The following WSB2 variants were observed in gnomAD, a reference collection of about 807,000 sequenced individuals.
The protein encoded by WSB2 is WD repeat and SOCS box-containing protein 2.
In WSB2, 12 loss-of-function variants were observed where a neutral mutation model predicts 48.8. That is an observed-to-expected ratio of 0.25 (90% CI 0.16 to 0.40). The LOEUF (loss-of-function observed/expected upper bound fraction) is 0.40. Ranked by LOEUF, WSB2 falls within the 10% of genes least tolerant of loss-of-function variation. The pLI, the probability that WSB2 is intolerant of heterozygous loss-of-function variation, is 1.00. For synonymous variants in WSB2, 191 were observed against 203.1 expected, an observed-to-expected ratio of 0.94 and a Z score of 0.51; for missense variants, 317 against 506.2, an observed-to-expected ratio of 0.63 and a Z score of 3.59.
chr12:118,060,929 CCCCCGCCCCA>C lies in WSB2; in HGVS notation c.13+97_13+106del. ...GGCCGGACGCCCCCGCCGCGTCCAG[CCCCCGCCCCA>C]CCCCGCCCAGCCCGCCCCGGGGTCG... On this transcript the variant is annotated intron_variant, in intron 1 of 8. Transcript: ENST00000315436. This position sits in a 1 kb window ranked among gnomAD's most constrained non-coding sequence, Gnocchi z 4.1. 1 of 475,714 alleles carries C rather than the reference CCCCCGCCCCA, an allele frequency of 2.1e-6. No individual in the cohort carries two copies. The highest frequency in any genetic ancestry group is 2.7e-6 in the Non-Finnish European group (1 of 364,348). The allele number at this position is 475,714 out of a possible 1,614,324, so 29.5% of individuals were successfully genotyped here.
intron 2 of WSB2, among the ~76,000 whole-genome samples, chr12:118,048,188 C>T (rs2031780700): frequency 6.6e-6 from 1 of 152,134 alleles, no homozygotes; most frequent in Non-Finnish European, 1.5e-5. Flanking sequence ...TTCTGCCTCC[C>T]AATGTGCTGG....
At chr12:118,046,013 G>A (rs1213605859) in intron 2 of WSB2, among the ~76,000 whole-genome samples, 2 of 152,140 alleles carry the variant, frequency 1.3e-5, no homozygotes, top group Admixed American at 6.6e-5. Flanking sequence ...CCATGTTGTA[G>A]CAAATGACAG....
chr12:118,056,717 G>A (rs572970489), intron 1 of WSB2, among the ~76,000 whole-genome samples: 2 of 152,172 alleles, frequency 1.3e-5, no homozygotes, highest in African/African-American at 4.8e-5. Flanking sequence ...CCTGGCCAAC[G>A]TGGTGAAACC....
rs151297944 is a variant in WSB2 at position 118,036,076 on chromosome 12, C to G, written c.833+262G>C. 1.2e-3 allele frequency: 349 copies of G among 285,616 alleles called. 1 individual carries two copies. The highest frequency in any genetic ancestry group is 7.2e-3 in the African/African-American group (329 of 45,900). The allele number at this position is 285,616 out of a possible 1,614,324, so 17.7% of individuals were successfully genotyped here. ...AATTAGCCAGGCCTGGTGGCGCACG[C>G]TTGTAGTCCTAGCTACTCGGGAGGC... On this transcript the variant is annotated intron_variant, in intron 6 of 8. Coordinates refer to ENST00000315436, the MANE Select transcript of WSB2 (RefSeq NM_018639.5).
At chr12:118,047,327 G>A (rs558328420) in intron 2 of WSB2, among the ~76,000 whole-genome samples, 18 of 152,258 alleles carry the variant, frequency 1.2e-4, no homozygotes, top group Non-Finnish European at 1.9e-4. Context: ...GATGAGTTAC[G>A]TGAAAAGCAG....
At chr12:118,036,215 T>G in intron 6 of WSB2, 123 bp downstream of exon 6, 2 of 1,178,000 alleles carry the variant, frequency 1.7e-6, no homozygotes, top group Non-Finnish European at 2.4e-6. Context: ...AGAGACCCAC[T>G]GTGCCTTTTT....
intron 7 of WSB2, 50 bp downstream of exon 7, chr12:118,035,164 A>C: frequency 6.2e-7 from 1 of 1,612,258 alleles, no homozygotes; most frequent in Non-Finnish European, 8.5e-7. Flanking sequence ...TGCTGCCATT[A>C]CTTGCAAGCA....
Position 118,043,345 on chromosome 12 carries a change from C to G in WSB2, c.215G>C (p.Ser72Thr). The G allele has an allele frequency of 6.3e-7, 1 of 1,585,484 alleles. No individual in the cohort carries two copies. The highest frequency in any genetic ancestry group is 8.6e-7 in the Non-Finnish European group (1 of 1,166,618). The change falls in exon 3 of 9, where the codon AGT becomes ACT. Residue 72 changes from serine to threonine, a missense_variant. By Grantham distance (58) the Ser-to-Thr change is moderately conservative (BLOSUM62 1). Transcript: ENST00000315436. The stretch of plus-strand genomic sequence containing the variant: ...CCGCCCTTTCGTCTCATTTTTGCTA[C>G]TTCGGCTTTTGGCTTCAAACCCTTT... ...IPKGFEAKSR[S>T]SKNETKGRGS...
At chr12:118,046,466 C>CAA (rs57540760) in intron 2 of WSB2, among the ~76,000 whole-genome samples, 8 of 113,192 alleles carry the variant, frequency 7.1e-5, no homozygotes, top group African/African-American at 1.2e-4. Context: ...GACTCCATCT[C>CAA]AAAAAAAAAA....
chr12:118,036,220 C>A (rs753700587), intron 6 of WSB2, 118 bp downstream of exon 6: 5 of 1,269,502 alleles, frequency 3.9e-6, no homozygotes, highest in Non-Finnish European at 5.5e-6. Flanking sequence ...CCCACTGTGC[C>A]TTTTTATCCA....
At chr12:118,042,453 C>T (rs2031656241) in intron 4 of WSB2, 2 of 185,616 alleles carry the variant, frequency 1.1e-5, no homozygotes, top group Admixed American at 1.1e-4. Flanking sequence ...ATGAGAAAAC[C>T]TGTTCTAGAT....
At chr12:118,047,184 G>T (rs2137784402) in intron 2 of WSB2, among the ~76,000 whole-genome samples, 1 of 152,240 alleles carries the variant, frequency 6.6e-6, no homozygotes, top group South Asian at 2.1e-4. Flanking sequence ...TCTAGAAAGA[G>T]ATACTAAAAT....
At position 118,052,485 on chromosome 12, in the gene WSB2, CAGG is replaced by C. The variant is rs778171538; in HGVS notation, c.14-10_14-8del. ...GCCAGCAGCAGCGGTTCCTCTGGGG[CAGG>C]AGACAACATGCTTCAAACACACACC... On this transcript the variant is annotated splice_region_variant and splice_polypyrimidine_tract_variant and intron_variant, in intron 1 of 8. Transcript: ENST00000315436. The C allele has an allele frequency of 6.2e-7, 1 of 1,613,808 alleles. No individual in the cohort carries two copies.
intron 5 of WSB2, among the ~76,000 whole-genome samples, chr12:118,037,682 AG>A (rs141032879): frequency 1.1e-4 from 16 of 149,168 alleles, no homozygotes; most frequent in African/African-American, 4.0e-4. Context: ...AAAAAAAAAA[AG>A]AAAAGAAAAG....
upstream of WSB2, among the ~76,000 whole-genome samples, chr12:118,061,683 A>G (rs552118289): frequency 5.7e-4 from 84 of 147,402 alleles, 1 homozygote; most frequent in African/African-American, 2.1e-3. Context: ...CTGTGGGGGT[A>G]AGGGGAACCA....
intron 4 of WSB2, among the ~76,000 whole-genome samples, chr12:118,042,202 G>A (rs1947872993): frequency 6.6e-6 from 1 of 152,146 alleles, no homozygotes. Context: ...CTTAGAGTCT[G>A]CTTCAAAAAG....
At chr12:118,039,194 C>T (rs537516042) in intron 4 of WSB2, among the ~76,000 whole-genome samples, 2 of 152,252 alleles carry the variant, frequency 1.3e-5, no homozygotes, top group East Asian at 1.9e-4. Flanking sequence ...ACTAGGGGCA[C>T]ACATTCTAGA....
At chr12:118,042,071 C>T (rs2031648008) in intron 4 of WSB2, among the ~76,000 whole-genome samples, 1 of 152,126 alleles carries the variant, frequency 6.6e-6, no homozygotes, top group Non-Finnish European at 1.5e-5. Context: ...TATCACCTTT[C>T]TAGTTAAGGA....
Position 118,042,979 on chromosome 12 carries a change from T to A in WSB2, c.428-7A>T. ...AGATTCAAAAGCAGGAGCCCTGGCA[T>A]GGGAGCAGGGGCACTGAGTCAGCCA... On this transcript the variant is annotated splice_region_variant and splice_polypyrimidine_tract_variant and intron_variant, in intron 3 of 8. Coordinates refer to ENST00000315436, the MANE Select transcript of WSB2 (RefSeq NM_018639.5). The A allele has an allele frequency of 6.2e-7, 1 of 1,614,070 alleles. No homozygotes were observed. Among genetic ancestry groups the A allele is most frequent in the Non-Finnish European group, 8.5e-7 (1 of 1,179,976 alleles).
Sources: allele counts gnomAD v4.1 joint callset (sites outside exome capture counted in the v4.1 genomes callset), GRCh38; gene constraint gnomAD v4.1.1; non-coding constraint Gnocchi (gnomAD v3.1); transcripts MANE v1.5; gene names NCBI Gene and HGNC (gene_info 2026-07-23, HGNC 2026-07-21).